TCP11: variants seen among roughly 807,000 people sequenced by gnomAD.
The protein encoded by TCP11 is t-complex 11.
Under a neutral mutation model 45.0 loss-of-function variants are expected in TCP11, and 34 were observed. The observed-to-expected ratio is 0.76, with a 90% confidence interval of 0.57 to 1.01. TCP11 has a LOEUF of 1.01. TCP11 is among the 50% of genes least tolerant of loss of function. The pLI is 0.00. For synonymous variants in TCP11, 227 were observed against 227.0 expected (o/e 1.00, Z 0.00); for missense variants, 523 against 598.1 (o/e 0.87, Z 1.31).
chr6:35,133,770 G>A (rs1423887665), intron 3 of TCP11, among the ~76,000 whole-genome samples: 2 of 151,170 alleles, frequency 1.3e-5, no homozygotes, highest in East Asian at 1.9e-4. Flanking sequence ...CCAGCTTGGC[G>A]ACAAAGCGAG....
rs1326868524 is a variant in TCP11, at chr6:35,122,214, T to TAA, written c.480_481insTT (p.Lys161LeufsTer7). 4 of 1,614,038 alleles carry TAA rather than the reference T, an allele frequency of 2.5e-6. No individual in the cohort carries two copies. The African/African-American group carries it at 5.3e-5, about 22-fold the overall frequency. ...AAAGCCATCATGTTGAGAACGTACT[T>TAA]AGAGAGATAGAGGACTTTCAGGGCC... On this transcript the variant is annotated frameshift_variant, in exon 5 of 10. Coordinates refer to ENST00000311875, the MANE Select transcript of TCP11 (RefSeq NM_001370687.1). LOFTEE classifies it high-confidence loss of function.
At chr6:35,130,288 G>C (rs1780250818) in intron 3 of TCP11, among the ~76,000 whole-genome samples, 1 of 152,142 alleles carries the variant, frequency 6.6e-6, no homozygotes, top group African/African-American at 2.4e-5. Context: ...GTAACCTTGA[G>C]TTTGGTGATG....
intron 3 of TCP11, among the ~76,000 whole-genome samples, chr6:35,131,280 AAAG>A (rs983081277): frequency 2.0e-5 from 3 of 151,928 alleles, no homozygotes; most frequent in African/African-American, 7.3e-5. Context: ...CTCAAAACAA[AAAG>A]AAGGCCGGGC....
intron 4 of TCP11, among the ~76,000 whole-genome samples, chr6:35,124,920 G>A (rs1779652796): frequency 6.6e-6 from 1 of 151,274 alleles, no homozygotes; most frequent in East Asian, 1.9e-4. Flanking sequence ...AGTGGCTCAC[G>A]TCTGTAATCC....
At chr6:35,140,203 A>G in intron 2 of TCP11, 6 of 1,535,528 alleles carry the variant, frequency 3.9e-6, no homozygotes, top group Non-Finnish European at 5.3e-6. Context: ...ACAGCTCCTC[A>G]GTTTGATGAC....
In TCP11 at chr6:35,118,501, T is replaced by C. The variant is rs571410395; in HGVS notation, c.1280A>G (p.Asp427Gly). The C allele has an allele frequency of 6.2e-7, 1 of 1,613,018 alleles. No individual in the cohort carries two copies. The highest frequency in any genetic ancestry group is 8.5e-7 in the Non-Finnish European group (1 of 1,179,524). ...KKENCVCSVI[D>G]QRIHLFLKCC... ...TTTGAGAAACAAATGGATCCGCTGATCTGTGAGCAGGAAAAGACACTGATA... is the reference window on the plus strand; with the variant it reads ...TTTGAGAAACAAATGGATCCGCTGACCTGTGAGCAGGAAAAGACACTGATA... Residue 427 changes from aspartate (D) to glycine (G), a missense_variant and splice_region_variant, in exon 10 of 10, where the codon GAT becomes GGT. Around this residue, in one of 2 missense-constraint regions of TCP11, gnomAD observed 298 missense variants for 387.9 expected, o/e 0.77. Coordinates refer to ENST00000311875, the MANE Select transcript of TCP11 (RefSeq NM_001370687.1).
At chr6:35,125,786 C>A (rs1006852172) in intron 4 of TCP11, among the ~76,000 whole-genome samples, 2 of 152,130 alleles carry the variant, frequency 1.3e-5, no homozygotes, top group Admixed American at 6.5e-5. Flanking sequence ...GATGTATGAA[C>A]AAAATGTATT....
intron 3 of TCP11, among the ~76,000 whole-genome samples, chr6:35,131,594 A>C (rs1003293597): frequency 2.6e-5 from 4 of 152,260 alleles, no homozygotes; most frequent in Middle Eastern, 3.4e-3. Context: ...ACAAAAAAAC[A>C]CAATGAAAAA....
At chr6:35,134,506 C>G (rs1402414611) in intron 3 of TCP11, among the ~76,000 whole-genome samples, 1 of 151,858 alleles carries the variant, frequency 6.6e-6, no homozygotes, top group Non-Finnish European at 1.5e-5. Context: ...GTCTTGATCT[C>G]TTGACCTCGT....
At chr6:35,130,157 AT>A (rs1780239188) in intron 3 of TCP11, among the ~76,000 whole-genome samples, 1 of 152,236 alleles carries the variant, frequency 6.6e-6, no homozygotes, top group Non-Finnish European at 1.5e-5. Flanking sequence ...ATACAAAAAA[AT>A]AAAGAATCTA....
At chr6:35,137,781 A>T (rs551720629) in intron 2 of TCP11, 3 of 455,530 alleles carry the variant, frequency 6.6e-6, no homozygotes, top group Admixed American at 2.4e-5. Flanking sequence ...TTTCACAGAA[A>T]ATTATTTGGC....
At chr6:35,128,493 A>G (rs2127664162) in intron 4 of TCP11, 1 of 152,568 alleles carries the variant, frequency 6.6e-6, no homozygotes, top group Non-Finnish European at 1.5e-5. Context: ...ACTGCTTAGA[A>G]GTTGCAAATC....
Position 35,118,497 on chromosome 6 carries a change from C to T in TCP11, c.1284G>A (p.Gln428=), listed in dbSNP as rs756410643. ...AGCATTTGAGAAACAAATGGATCCG[C>T]TGATCTGTGAGCAGGAAAAGACACT... ...KENCVCSVID[Q]RIHLFLKCCL... The change falls in exon 10 of 10, where the codon CAG becomes CAA. Residue 428 remains glutamine, a synonymous_variant. Coordinates refer to ENST00000311875, the MANE Select transcript of TCP11 (RefSeq NM_001370687.1). 4 of 1,613,456 alleles carry T rather than the reference C, an allele frequency of 2.5e-6. No individual in the cohort carries two copies. The East Asian group carries it at 8.9e-5, about 36-fold the overall frequency.
chr6:35,133,649 G>T (rs926785545), intron 3 of TCP11, among the ~76,000 whole-genome samples: 2 of 152,036 alleles, frequency 1.3e-5, no homozygotes, highest in Non-Finnish European at 2.9e-5. Context: ...AATTAACTGG[G>T]CATGGTGGCG....
intron 5 of TCP11, among the ~76,000 whole-genome samples, chr6:35,121,420 T>A (rs1242479493): frequency 2.0e-5 from 3 of 150,588 alleles, no homozygotes; most frequent in East Asian, 1.9e-4. Context: ...TTTTTTTTTT[T>A]AAACTTTCTG....
intron 2 of TCP11, among the ~76,000 whole-genome samples, chr6:35,138,844 T>A (rs539458647): frequency 6.6e-6 from 1 of 152,186 alleles, no homozygotes; most frequent in African/African-American, 2.4e-5. Flanking sequence ...ATATCCCATA[T>A]ACCTGATAAA....
At chr6:35,139,251 C>A (rs143909808) in intron 2 of TCP11, among the ~76,000 whole-genome samples, 2 of 150,574 alleles carry the variant, frequency 1.3e-5, no homozygotes, top group Admixed American at 6.6e-5. Flanking sequence ...GAAGTCAAGA[C>A]GTTGCAATTT....
intron 3 of TCP11, among the ~76,000 whole-genome samples, chr6:35,135,371 C>CA (rs1203974132): frequency 1.3e-5 from 2 of 151,958 alleles, no homozygotes; most frequent in Non-Finnish European, 2.9e-5. Flanking sequence ...TTCCATGTGG[C>CA]AAATTGAGGG....
At position 35,122,299 on chromosome 6, in the gene TCP11, C is replaced by T; in HGVS notation, c.396G>A (p.Leu132=). The change falls in exon 5 of 10, where the codon CTG becomes CTA. Residue 132 remains leucine (L), a synonymous_variant. Coordinates refer to ENST00000311875, the MANE Select transcript of TCP11 (RefSeq NM_001370687.1). ...LSLLLPRQNR[L]RIEIEEALDM... ...CCAGAGCTTCTTCAATCTCAATTCT[C>T]AGGCGGTTCTGGCGTGGTAATAGCA... is the stretch of plus-strand genomic sequence containing the variant. The T allele has an allele frequency of 1.2e-6, 2 of 1,614,152 alleles. No individual in the cohort carries two copies. The highest frequency in any genetic ancestry group is 2.7e-5 in the African/African-American group (2 of 75,048).
Sources: allele counts gnomAD v4.1 joint callset (sites outside exome capture counted in the v4.1 genomes callset), GRCh38; gene constraint gnomAD v4.1.1; regional missense constraint gnomAD v4.1.1; transcripts MANE v1.5; gene names NCBI Gene and HGNC (gene_info 2026-07-23, HGNC 2026-07-21).